NUP188: variants seen among roughly 807,000 people sequenced by gnomAD.
NUP188 encodes nucleoporin NUP188.
NUP188 carries 97 observed loss-of-function variants against 223.0 expected under a neutral mutation model. That is an observed-to-expected ratio of 0.43 (90% CI 0.37 to 0.51). The LOEUF (loss-of-function observed/expected upper bound fraction) is 0.51. NUP188 is among the 20% of genes least tolerant of loss of function. The pLI, the probability that NUP188 is intolerant of heterozygous loss-of-function variation, is 0.00. For synonymous variants in NUP188, 869 were observed against 828.0 expected, an observed-to-expected ratio of 1.05 and a Z score of -0.85; for missense variants, 1,947 against 2,175.6, an observed-to-expected ratio of 0.89 and a Z score of 2.09.
Position 128,993,556 on chromosome 9 carries a change from A to C in NUP188, c.2879A>C (p.His960Pro). The C allele has an allele frequency of 6.2e-7, 1 of 1,614,174 alleles. No individual in the cohort carries two copies. Residue 960 changes from histidine (H) to proline (P), a missense_variant, in exon 27 of 44, where the codon CAT (histidine) becomes CCT (proline). By Grantham distance (77) the His-to-Pro change is moderately conservative (BLOSUM62 -2). Transcript: ENST00000372577. Reference protein sequence around the residue: ...EFSLGMWSCLHAVLELIDSQQ... With the variant: ...EFSLGMWSCLPAVLELIDSQQ... ...AGCCTTGGGATGTGGAGCTGTCTCC[A>C]TGCAGTGCTGGAGCTGATTGATTCC...
Position 129,005,731 on chromosome 9 carries a change from G to T in NUP188, c.4824G>T (p.Gly1608=). ...TFDSEVAPSF[G]TLLATVNVAL... ...ACTCCGAAGTGGCCCCCTCCTTCGG[G>T]ACCCTTCTGGCCACAGTGAATGTGG... is the stretch of plus-strand genomic sequence containing the variant. Residue 1608 remains glycine, a synonymous_variant, in exon 41 of 44, where the codon GGG becomes GGT. Coordinates refer to ENST00000372577, the MANE Select transcript of NUP188 (RefSeq NM_015354.3). The T allele has an allele frequency of 1.2e-6, 2 of 1,613,988 alleles. No individual in the cohort carries two copies. The highest frequency in any genetic ancestry group is 1.7e-6 in the Non-Finnish European group (2 of 1,179,982).
Position 128,968,488 on chromosome 9 carries a change from T to C in NUP188, c.586-18T>C. On this transcript the variant is annotated intron_variant, in intron 8 of 43. Transcript: ENST00000372577. ...CTCATGTTATTTCTCTCCCATTTTG[T>C]TTTCATTGGTTGTACAGACAGAGCG... 2 of 1,600,306 alleles carry C rather than the reference T, an allele frequency of 1.2e-6. No homozygotes were observed. Among genetic ancestry groups the C allele is most frequent in the Non-Finnish European group, 1.7e-6 (2 of 1,169,856 alleles).
intron 24 of NUP188, among the ~76,000 whole-genome samples, chr9:128,988,520 G>A (rs1036763304): frequency 2.6e-5 from 4 of 152,084 alleles, no homozygotes; most frequent in Non-Finnish European, 5.9e-5. Context: ...GTAAAATGGG[G>A]ATAATGGTAC....
At position 128,993,397 on chromosome 9, in the gene NUP188, C is replaced by T. The variant is rs1293030551; in HGVS notation, c.2841C>T (p.Gly947=). The T allele has an allele frequency of 3.1e-6, 5 of 1,614,156 alleles. No individual in the cohort carries two copies. The Admixed American group carries it at 8.3e-5, about 27-fold the overall frequency. The change falls in exon 26 of 44, where the codon GGC becomes GGT. Residue 947 remains glycine (G), a synonymous_variant. Coordinates refer to ENST00000372577, the MANE Select transcript of NUP188 (RefSeq NM_015354.3). ...LNLEVKDGSD[G]SKEFSLGMWS... ...TGGAAGTTAAGGATGGCAGTGATGG[C>T]TCAAAGGTAAGCCTGTAACCTGGGA...
chr9:128,999,489 C>G, intron 33 of NUP188, 135 bp from the exon 34 acceptor site: 1 of 1,171,502 alleles, frequency 8.5e-7, no homozygotes, highest in African/African-American at 1.5e-5. Context: ...GTCTCTCCCT[C>G]CTCTCCCACT....
chr9:128,954,030 A>T (rs2131138438), intron 3 of NUP188, among the ~76,000 whole-genome samples: 1 of 151,702 alleles, frequency 6.6e-6, no homozygotes, highest in Non-Finnish European at 1.5e-5. Flanking sequence ...GGGTTTCACC[A>T]TGTTGGCCAG....
chr9:128,975,264 T>G (rs1319457835), intron 12 of NUP188, among the ~76,000 whole-genome samples: 3 of 148,918 alleles, frequency 2.0e-5, no homozygotes, highest in Non-Finnish European at 4.5e-5. Flanking sequence ...CTTGCCCTTG[T>G]CCAGGCTGGA....
At position 129,005,646 on chromosome 9, in the gene NUP188, C is replaced by G; in HGVS notation, c.4739C>G (p.Ser1580Cys). Residue 1580 changes from serine (S) to cysteine (C), a missense_variant and splice_region_variant, in exon 41 of 44, where the codon TCC becomes TGC. This residue lies in a region of NUP188 where 905 missense variants were observed against 990.6 expected (regional missense o/e 0.91). Coordinates refer to ENST00000372577, the MANE Select transcript of NUP188 (RefSeq NM_015354.3). ...GATGGCTCTTGTCTTTTCTCGCAGT[C>G]CCTGGACCTTGCTGAATACAACTTC... ...PDVCQILLDQSLDLAEYNFLF... is the reference protein window; with the variant it reads ...PDVCQILLDQCLDLAEYNFLF... 6.2e-7 allele frequency: 1 copy of G among 1,613,354 alleles called. No homozygotes were observed. The highest frequency in any genetic ancestry group is 8.5e-7 in the Non-Finnish European group (1 of 1,179,624).
intron 12 of NUP188, among the ~76,000 whole-genome samples, 165 bp downstream of exon 12, chr9:128,973,414 G>A (rs1842129478): frequency 6.6e-6 from 1 of 151,710 alleles, no homozygotes; most frequent in African/African-American, 2.4e-5. Flanking sequence ...ATGGAGTCCT[G>A]CTCTGTCCCC....
chr9:128,988,259 C>T (rs1842366744), intron 24 of NUP188, 73 bp downstream of exon 24: 1 of 1,527,684 alleles, frequency 6.5e-7, no homozygotes, highest in African/African-American at 1.4e-5. Flanking sequence ...AAATACGTAT[C>T]TTAGGCAGTG....
At chr9:128,951,539 G>C (rs1486590304) in intron 2 of NUP188, among the ~76,000 whole-genome samples, 2 of 152,032 alleles carry the variant, frequency 1.3e-5, no homozygotes, top group Admixed American at 1.3e-4. Context: ...ATTACAGTCA[G>C]CTTAAGTATA....
At chr9:128,978,556 CAAAAAAAAAAAA>C (rs57813508) in intron 12 of NUP188, among the ~76,000 whole-genome samples, 8 of 67,640 alleles carry the variant, frequency 1.2e-4, no homozygotes, top group Non-Finnish European at 1.5e-4. Flanking sequence ...GAGTGAGACT[CAAAAAAAAAAAA>C]AAAAAAAAAA....
At position 128,982,678 on chromosome 9, in the gene NUP188, T is replaced by G; in HGVS notation, c.1646T>G (p.Leu549Trp). The change falls in exon 16 of 44, where the codon TTG (leucine) becomes TGG (tryptophan). Residue 549 changes from leucine to tryptophan, a missense_variant. Physicochemically the swap from Leu to Trp is moderately conservative, Grantham distance 61. Coordinates refer to ENST00000372577, the MANE Select transcript of NUP188 (RefSeq NM_015354.3). ...CTCTTTACCTGCGAGATTGAAATGT[T>G]GCTTCATGTTGTTTCAACTGCAGGT... is the stretch of plus-strand genomic sequence containing the variant. The part of the protein sequence containing the change: ...WTLFTCEIEM[L>W]LHVVSTADVI... 6.2e-7 allele frequency: 1 copy of G among 1,614,026 alleles called. No individual in the cohort carries two copies. The highest frequency in any genetic ancestry group is 1.3e-5 in the African/African-American group (1 of 75,046).
At chr9:128,989,648 A>G (rs1329634314) in intron 24 of NUP188, among the ~76,000 whole-genome samples, 3 of 152,090 alleles carry the variant, frequency 2.0e-5, no homozygotes, top group Admixed American at 6.5e-5. Flanking sequence ...CCTGGCCAAC[A>G]TGGTGAAACC....
intron 34 of NUP188, among the ~76,000 whole-genome samples, chr9:129,000,453 G>A (rs1842623410): frequency 1.3e-5 from 2 of 152,022 alleles, no homozygotes; most frequent in African/African-American, 4.8e-5. Context: ...CGAGTAGCTG[G>A]GGCTACAGGT....
In NUP188 at chr9:128,980,531, G is replaced by A. The variant is rs914087094; in HGVS notation, c.1270-75G>A. 1.5e-5 allele frequency: 23 copies of A among 1,495,908 alleles called. No homozygotes were observed. The African/African-American group carries it at 2.1e-4, about 14-fold the overall frequency. The allele number at this position is 1,495,908 out of a possible 1,614,324, so 92.7% of individuals were successfully genotyped here. ...AAGGATTAATTCTAAATTTTCTCAT[G>A]ATTGCTGGGAAATTTGGAGAGATGT... is the stretch of plus-strand genomic sequence containing the variant. On this transcript the variant is annotated intron_variant, in intron 13 of 43. Coordinates refer to ENST00000372577, the MANE Select transcript of NUP188 (RefSeq NM_015354.3).
At chr9:128,972,083 T>TA (rs1842112804) in intron 11 of NUP188, among the ~76,000 whole-genome samples, 1 of 152,232 alleles carries the variant, frequency 6.6e-6, no homozygotes, top group African/African-American at 2.4e-5. Context: ...AATCAGCAAT[T>TA]ATACTCCTTG....
intron 10 of NUP188, among the ~76,000 whole-genome samples, chr9:128,970,545 AAAT>A (rs1184712629): frequency 1.3e-5 from 2 of 152,218 alleles, no homozygotes; most frequent in Non-Finnish European, 2.9e-5. Flanking sequence ...AGACTACATA[AAAT>A]TAGTAGACAA....
chr9:128,970,901 G>A lies in NUP188; in HGVS notation c.1056G>A (p.Leu352=). 1.2e-6 allele frequency: 2 copies of A among 1,614,120 alleles called. No individual in the cohort carries two copies. Among genetic ancestry groups the A allele is most frequent in the Non-Finnish European group, 1.7e-6 (2 of 1,180,018 alleles). Residue 352 remains leucine (L), a synonymous_variant, in exon 11 of 44, where the codon CTG becomes CTA. Transcript: ENST00000372577. ...VRKIGGTAIQ[L]NVFQYLTRLL... Reference sequence around the variant, plus strand: ...AGATAGGTGGCACAGCCATCCAGCTGAATGTGTTTCAGTACTTGACCCGAT... The same window carrying A: ...AGATAGGTGGCACAGCCATCCAGCTAAATGTGTTTCAGTACTTGACCCGAT...
Sources: allele counts gnomAD v4.1 joint callset (sites outside exome capture counted in the v4.1 genomes callset), GRCh38; gene constraint gnomAD v4.1.1; regional missense constraint gnomAD v4.1.1; transcripts MANE v1.5; gene names NCBI Gene and HGNC (gene_info 2026-07-23, HGNC 2026-07-21).